HEXD: variants seen among roughly 807,000 people sequenced by gnomAD.
The protein encoded by HEXD is N-acetyl-beta-galactosaminidase.
Under a neutral mutation model 54.2 loss-of-function variants are expected in HEXD, and 47 were observed. The observed-to-expected ratio is 0.87, with a 90% CI of 0.69 to 1.11. The LOEUF (loss-of-function observed/expected upper bound fraction) is 1.11, where lower values mean the gene tolerates loss of function less well. Among genes scored for constraint, HEXD ranks in the 50% least tolerant of loss-of-function variants. The probability of loss-of-function intolerance (pLI) is 0.00; values close to 1 mark genes in which losing one functional copy is unlikely to be tolerated. For synonymous variants in HEXD, 293 were observed against 287.6 expected, an observed-to-expected ratio of 1.02 and a Z score of -0.19; for missense variants, 576 against 649.2, an observed-to-expected ratio of 0.89 and a Z score of 1.23.
intron 4 of HEXD, among the ~76,000 whole-genome samples, chr17:82,433,117 TATATATA>T (rs2053646809): frequency 6.6e-5 from 1 of 15,060 alleles, no homozygotes; most frequent in Non-Finnish European, 9.0e-5. Context: ...TATATATATA[TATATATA>T]TATATTTTTT....
chr17:82,436,789 G>T, intron 7 of HEXD, 51 bp downstream of exon 7: 1 of 1,517,840 alleles, frequency 6.6e-7, no homozygotes, highest in Middle Eastern at 2.0e-4. Context: ...TGCCTGGGAA[G>T]GCCATCCCTG....
intron 4 of HEXD, among the ~76,000 whole-genome samples, chr17:82,432,889 C>A (rs1335267406): frequency 2.0e-5 from 3 of 148,892 alleles, no homozygotes; most frequent in Non-Finnish European, 3.0e-5. Flanking sequence ...CGGTGAAACC[C>A]CGTCTCTACT....
At chr17:82,427,839 G>A (rs1478521995) in intron 3 of HEXD, among the ~76,000 whole-genome samples, 1 of 152,144 alleles carries the variant, frequency 6.6e-6, no homozygotes, top group African/African-American at 2.4e-5. Flanking sequence ...CGAAGAGGTC[G>A]ACCCGGGGCA....
At chr17:82,425,719 G>A (rs914913811) in intron 3 of HEXD, 2 of 152,388 alleles carry the variant, frequency 1.3e-5, no homozygotes, top group African/African-American at 4.8e-5. Flanking sequence ...TGTAATCCCA[G>A]CAATTTGGGA....
chr17:82,428,511 C>T, intron 3 of HEXD, 47 bp from the exon 4 acceptor site: 1 of 1,558,902 alleles, frequency 6.4e-7, no homozygotes, highest in Non-Finnish European at 8.8e-7. Flanking sequence ...GTGTGGAAGT[C>T]ACGTGCTGCT....
At chr17:82,420,813 G>A (rs1465687536) in intron 2 of HEXD, among the ~76,000 whole-genome samples, 1 of 152,088 alleles carries the variant, frequency 6.6e-6, no homozygotes, top group Non-Finnish European at 1.5e-5. Context: ...TGATCCACCC[G>A]CCTCAGCCTC....
rs778499197 is a variant in HEXD at position 82,440,993 on chromosome 17, T to C, written c.983-4T>C. ...CCAACCGCCCCGCTCATTTGTGATTTCAGGAGGATTTGATGAAGATGTTAA... is the reference window on the plus strand; with the variant it reads ...CCAACCGCCCCGCTCATTTGTGATTCCAGGAGGATTTGATGAAGATGTTAA... On this transcript the variant is annotated splice_region_variant and splice_polypyrimidine_tract_variant and intron_variant, in intron 9 of 12. Coordinates refer to ENST00000327949, the MANE Select transcript of HEXD (RefSeq NM_001330542.2). The C allele has an allele frequency of 1.2e-6, 2 of 1,613,370 alleles. No homozygotes were observed. Among genetic ancestry groups the C allele is most frequent in the Admixed American group, 1.7e-5 (1 of 60,008 alleles).
chr17:82,439,772 C>A, intron 9 of HEXD, 59 bp downstream of exon 9: 2 of 1,597,952 alleles, frequency 1.3e-6, no homozygotes, highest in South Asian at 2.2e-5. Context: ...ACCCGGAGGG[C>A]AGGAGGCCAA....
At chr17:82,441,972 G>A (rs1288007632) in intron 12 of HEXD, 83 bp downstream of exon 12, 5 of 1,430,682 alleles carry the variant, frequency 3.5e-6, no homozygotes, top group Non-Finnish European at 4.9e-6. Context: ...CTCAACTAGA[G>A]AGCAGAGGGT....
chr17:82,429,523 C>T (rs1026458290), intron 4 of HEXD, among the ~76,000 whole-genome samples: 3 of 152,160 alleles, frequency 2.0e-5, no homozygotes, highest in African/African-American at 7.2e-5. Flanking sequence ...TCGTACTCTG[C>T]TCTGGGACCC....
intron 2 of HEXD, chr17:82,423,258 T>G (rs921091551): frequency 4.6e-5 from 7 of 152,212 alleles, no homozygotes; most frequent in Non-Finnish European, 1.0e-4. Context: ...TGCCCTCAGG[T>G]GGTCACAGCC....
At chr17:82,432,624 T>C (rs2053604532) in intron 4 of HEXD, among the ~76,000 whole-genome samples, 1 of 152,032 alleles carries the variant, frequency 6.6e-6, no homozygotes, top group African/African-American at 2.4e-5. Context: ...TCGCCCAGGC[T>C]GGAGTGCAGT....
Position 82,433,630 on chromosome 17 carries a change from C to T in HEXD, c.283-28C>T, listed in dbSNP as rs766093414. 12 of 1,522,928 alleles carry T rather than the reference C, an allele frequency of 7.9e-6. No individual in the cohort carries two copies. The East Asian group carries it at 2.5e-4, about 32-fold the overall frequency. The allele number at this position is 1,522,928 out of a possible 1,614,324, so 94.3% of individuals were successfully genotyped here. ...GAGATCAGTCCAGCTCCTCCGCCCC[C>T]AACGCGAACTTCTCTGTCTCTCCGC... On this transcript the variant is annotated intron_variant, in intron 4 of 12. Transcript: ENST00000327949.
intron 9 of HEXD, chr17:82,440,439 T>TA (rs1361181929): frequency 1.5e-6 from 1 of 662,524 alleles, no homozygotes; most frequent in Non-Finnish European, 2.2e-6. Flanking sequence ...TACCCCACAC[T>TA]AAAGAGCTGT....
Position 82,439,655 on chromosome 17 carries a change from C to G in HEXD, c.924C>G (p.Cys308Trp). 6.3e-7 allele frequency: 1 copy of G among 1,590,896 alleles called. No individual in the cohort carries two copies. The highest frequency in any genetic ancestry group is 8.5e-7 in the Non-Finnish European group (1 of 1,172,888). Reference protein sequence around the residue: ...WQRYDHYSVLCELLPAGVPSL... With the variant: ...WQRYDHYSVLWELLPAGVPSL... ...GGTACGACCACTACTCTGTGCTGTG[C>G]GAGCTGCTGCCCGCAGGAGTCCCGT... Residue 308 changes from cysteine to tryptophan, a missense_variant, in exon 9 of 13, where the codon TGC becomes TGG. By Grantham distance (215) the Cys-to-Trp change is radical. Coordinates refer to ENST00000327949, the MANE Select transcript of HEXD (RefSeq NM_001330542.2).
At chr17:82,427,595 T>C (rs754167445) in intron 3 of HEXD, among the ~76,000 whole-genome samples, 1 of 152,180 alleles carries the variant, frequency 6.6e-6, no homozygotes, top group African/African-American at 2.4e-5. Flanking sequence ...GTTTGCATTT[T>C]CTTCATACTC....
chr17:82,422,872 C>T (rs2053277044), intron 2 of HEXD, among the ~76,000 whole-genome samples: 1 of 152,086 alleles, frequency 6.6e-6, no homozygotes, highest in South Asian at 2.1e-4. Context: ...GCCTGACCAA[C>T]ATGGTGAAAC....
intron 2 of HEXD, chr17:82,423,365 G>GT (rs2053293674): frequency 6.6e-6 from 1 of 152,206 alleles, no homozygotes; most frequent in African/African-American, 2.4e-5. Flanking sequence ...TCCTGCATGT[G>GT]TGTCATCCAG....
At chr17:82,428,513 C>T (rs756074658) in intron 3 of HEXD, 45 bp from the exon 4 acceptor site, 5 of 1,543,468 alleles carry the variant, frequency 3.2e-6, no homozygotes, top group South Asian at 1.1e-5. Context: ...GTGGAAGTCA[C>T]GTGCTGCTCA....
Sources: allele counts gnomAD v4.1 joint callset (sites outside exome capture counted in the v4.1 genomes callset), GRCh38; gene constraint gnomAD v4.1.1; transcripts MANE v1.5; gene names NCBI Gene and HGNC (gene_info 2026-07-23, HGNC 2026-07-21).